MTPAP: variants seen among roughly 807,000 people sequenced by gnomAD.
The protein encoded by MTPAP is poly(A) RNA polymerase, mitochondrial.
MTPAP carries 23 observed loss-of-function variants against 48.7 expected under a neutral mutation model. The observed-to-expected ratio is 0.47, with a 90% CI of 0.34 to 0.67. The LOEUF is 0.67. Ranked by LOEUF, MTPAP falls within the 30% of genes least tolerant of loss-of-function variation. The probability of loss-of-function intolerance (pLI) is 0.01; values close to 1 mark genes in which losing one functional copy is unlikely to be tolerated. For synonymous variants in MTPAP, 257 were observed against 254.1 expected (o/e 1.01, Z -0.11); for missense variants, 614 against 694.3 (o/e 0.88, Z 1.30).
chr10:30,343,477 TCAG>T (rs1054037034), intron 1 of MTPAP, among the ~76,000 whole-genome samples: 15 of 151,328 alleles, frequency 9.9e-5, no homozygotes, highest in African/African-American at 3.6e-4. Flanking sequence ...TGTATAGAAA[TCAG>T]CAGAAGCTTT....
chr10:30,317,856 AT>A (rs1840679353), intron 6 of MTPAP, among the ~76,000 whole-genome samples: 1 of 152,070 alleles, frequency 6.6e-6, no homozygotes, highest in Non-Finnish European at 1.5e-5. Flanking sequence ...GACTGCTGAT[AT>A]TTTAATTTTT....
chr10:30,339,695 A>T (rs773037455), intron 3 of MTPAP, among the ~76,000 whole-genome samples: 23 of 152,218 alleles, frequency 1.5e-4, no homozygotes, highest in Non-Finnish European at 2.8e-4. Context: ...CTTTTCATTC[A>T]ACATATCCTG....
At chr10:30,315,108 A>G (rs16931368) in intron 8 of MTPAP, among the ~76,000 whole-genome samples, 4 of 152,054 alleles carry the variant, frequency 2.6e-5, no homozygotes, top group Non-Finnish European at 5.9e-5. Flanking sequence ...TGAGCTTTGG[A>G]GTACAAAAAA....
In MTPAP at chr10:30,329,685, T is replaced by C. The variant is rs140676697; in HGVS notation, c.781-3050A>G. Among the ~76,000 whole-genome samples, 4 of 151,956 alleles carry C rather than the reference T, an allele frequency of 2.6e-5. No individual in the cohort carries two copies. The East Asian group carries it at 7.7e-4, about 29-fold the overall frequency. ...ATTTCTCTAATGTATAATCAAAGAATATTAACTAATATATAGTTGGCAATA... is the reference window on the plus strand; with the variant it reads ...ATTTCTCTAATGTATAATCAAAGAACATTAACTAATATATAGTTGGCAATA... On this transcript the variant is annotated intron_variant, in intron 4 of 8. Transcript: ENST00000263063.
intron 5 of MTPAP, among the ~76,000 whole-genome samples, chr10:30,324,517 G>A (rs1834557149): frequency 6.6e-6 from 1 of 151,882 alleles, no homozygotes; most frequent in Non-Finnish European, 1.5e-5. Flanking sequence ...TCACACTACT[G>A]CACTTCAGCC....
rs190896538 is a variant in MTPAP, at chr10:30,313,816, T to C, written c.1542A>G (p.Thr514=). 15 of 1,614,240 alleles carry C rather than the reference T, an allele frequency of 9.3e-6. No individual in the cohort carries two copies. The Admixed American group carries it at 2.3e-4, about 25-fold the overall frequency. ...ESAWILQQED[T]DRPSISSNRP... ...GATTACTTGATATGGAAGGTCGATC[T>C]GTATCTTCCTGTTGTAAAATCCAGG... is the stretch of plus-strand genomic sequence containing the variant. The change falls in exon 9 of 9, where the codon ACA becomes ACG. Residue 514 remains threonine (T), a synonymous_variant. Coordinates refer to ENST00000263063, the MANE Select transcript of MTPAP (RefSeq NM_018109.4).
intron 4 of MTPAP, among the ~76,000 whole-genome samples, chr10:30,332,749 C>A (rs978866271): frequency 6.6e-6 from 1 of 152,084 alleles, no homozygotes; most frequent in Non-Finnish European, 1.5e-5. Context: ...CTTTGGGAGG[C>A]TGAGGCAGGA....
chr10:30,316,316 C>A, intron 6 of MTPAP, 106 bp from the exon 7 acceptor site: 1 of 853,748 alleles, frequency 1.2e-6, no homozygotes, highest in South Asian at 1.5e-5. Context: ...GATCTCAGCT[C>A]AATGCAGCCT....
chr10:30,340,823 G>A (rs958556942), intron 2 of MTPAP, among the ~76,000 whole-genome samples: 6 of 152,084 alleles, frequency 3.9e-5, no homozygotes, highest in Non-Finnish European at 8.8e-5. Context: ...GAAGGCTGAG[G>A]CAGGAGAATC....
chr10:30,344,425 T>A (rs548385075), intron 1 of MTPAP, among the ~76,000 whole-genome samples: 21 of 152,222 alleles, frequency 1.4e-4, no homozygotes, highest in Non-Finnish European at 2.6e-4. Flanking sequence ...TTAACAACTA[T>A]GAAGGAATGT....
At position 30,313,906 on chromosome 10, in the gene MTPAP, G is replaced by A; in HGVS notation, c.1452C>T (p.Leu484=). The A allele has an allele frequency of 6.2e-7, 1 of 1,614,050 alleles. No individual in the cohort carries two copies. The part of the protein sequence containing the change: ...LYIQNPFETS[L]NISKNVSQSQ... ...TTTGACTTACATTTTTGCTTATGTT[G>A]AGAGAAGTTTCAAATGGATTCTGAA... Residue 484 remains leucine, a synonymous_variant, in exon 9 of 9, where the codon CTC becomes CTT. Coordinates refer to ENST00000263063, the MANE Select transcript of MTPAP (RefSeq NM_018109.4).
intron 3 of MTPAP, among the ~76,000 whole-genome samples, chr10:30,337,319 G>A (rs1212696639): frequency 2.0e-5 from 3 of 152,162 alleles, no homozygotes; most frequent in Middle Eastern, 3.2e-3. Context: ...AGCTACTCAG[G>A]AGGCTGAGGC....
chr10:30,349,058 C>G (rs1273860815), intron 1 of MTPAP, 61 bp downstream of exon 1: 22 of 1,611,708 alleles, frequency 1.4e-5, no homozygotes, highest in Middle Eastern at 1.7e-4. Context: ...CGTGTTTCCC[C>G]GTGATCCCAG....
chr10:30,330,165 TCTA>T (rs1341045799), intron 4 of MTPAP, among the ~76,000 whole-genome samples: 2 of 152,202 alleles, frequency 1.3e-5, no homozygotes, highest in African/African-American at 4.8e-5. Flanking sequence ...TGGCATTTTC[TCTA>T]CTGATCTGTC....
chr10:30,314,884 C>CAAA lies in MTPAP; in HGVS notation c.1387-916_1387-914dup, dbSNP rs34249388. ...GAGACTCTGTCTCAAAAAACAAAAA[C>CAAA]AAAAAAAAAAAAAAAAAAAAAGAAG... On this transcript the variant is annotated intron_variant, in intron 8 of 8. Coordinates refer to ENST00000263063, the MANE Select transcript of MTPAP (RefSeq NM_018109.4). 6.0e-3 allele frequency among the ~76,000 whole-genome samples: 666 copies of CAAA among 110,338 alleles called. 5 individuals are homozygous for CAAA. The highest frequency in any genetic ancestry group is 8.9e-3 in the Non-Finnish European group (507 of 56,684). 72.4% of individuals were successfully genotyped at this position (110,338 alleles called of 152,430 possible).
At chr10:30,323,162 T>C (rs1179994453) in intron 5 of MTPAP, among the ~76,000 whole-genome samples, 1 of 141,626 alleles carries the variant, frequency 7.1e-6, no homozygotes, top group African/African-American at 2.6e-5. Context: ...AAAGAAAATG[T>C]AGATCTAGGA....
intron 6 of MTPAP, among the ~76,000 whole-genome samples, chr10:30,320,551 A>T (rs556271789): frequency 2.3e-3 from 345 of 152,172 alleles, no homozygotes; most frequent in African/African-American, 7.1e-3. Context: ...TAAAATTTTT[A>T]AAAAAATAGT....
At chr10:30,336,161 G>A (rs1733216928) in intron 4 of MTPAP, among the ~76,000 whole-genome samples, 1 of 152,090 alleles carries the variant, frequency 6.6e-6, no homozygotes, top group South Asian at 2.1e-4. Context: ...AAAGCATACT[G>A]CTATTTATAA....
Position 30,349,048 on chromosome 10 carries a change from C to A in MTPAP, c.157+71G>T, listed in dbSNP as rs370416077. On this transcript the variant is annotated intron_variant, in intron 1 of 8. Coordinates refer to ENST00000263063, the MANE Select transcript of MTPAP (RefSeq NM_018109.4). ...GGTCCACAGCCGTTTCCACAGGCCACGTGTTTCCCCGTGATCCCAGACTCC... is the reference window on the plus strand; with the variant it reads ...GGTCCACAGCCGTTTCCACAGGCCAAGTGTTTCCCCGTGATCCCAGACTCC... The A allele has an allele frequency of 6.0e-5, 96 of 1,607,964 alleles. No individual in the cohort carries two copies. The African/African-American group carries it at 1.1e-3, about 18-fold the overall frequency.
Sources: gnomAD v4.1 joint callset for allele counts (sites outside exome capture counted in the v4.1 genomes callset) on GRCh38, gnomAD v4.1.1 for gene constraint, MANE v1.5 for transcripts, NCBI Gene and HGNC (gene_info 2026-07-23, HGNC 2026-07-21) for gene names.